ZNF638: variants seen among roughly 807,000 people sequenced by gnomAD.
ZNF638 encodes zinc finger protein 638.
A neutral mutation model predicts 195.6 loss-of-function variants in ZNF638; 46 were observed. That is an observed-to-expected ratio of 0.24 (90% CI 0.19 to 0.30). The LOEUF is 0.30. ZNF638 is among the 10% of genes least tolerant of loss of function. The pLI, the probability that ZNF638 is intolerant of heterozygous loss-of-function variation, is 1.00. For missense variants in ZNF638, 2,440 were observed against 2,325.3 expected (o/e 1.05, Z -1.01); for synonymous variants, 845 against 772.0 (o/e 1.09, Z -1.57).
At chr2:71,332,825 C>T (rs562202207) in intron 1 of ZNF638, 3 of 152,062 alleles carry the variant, frequency 2.0e-5, no homozygotes, top group Non-Finnish European at 4.4e-5. Flanking sequence ...AAAATTTGTC[C>T]TTAGGCGAAG....
Position 71,350,009 on chromosome 2 carries a change from C to G in ZNF638, c.1055C>G (p.Pro352Arg), listed in dbSNP as rs1278095957. Reference sequence around the variant, plus strand: ...TCTGTAAGCCAGCAAGAGCGGATCCCACATGAACCTGTGATTAATTCATCT... The same window carrying G: ...TCTGTAAGCCAGCAAGAGCGGATCCGACATGAACCTGTGATTAATTCATCT... ...ISSVSQQERI[P>R]HEPVINSSNV... is the part of the protein sequence containing the mutation. Residue 352 changes from proline (P) to arginine (R), a missense_variant, in exon 2 of 28, where the codon CCA becomes CGA. By Grantham distance (103) the Pro-to-Arg change is moderately radical. Around this residue, in one of 5 missense-constraint regions of ZNF638, gnomAD observed 305 missense variants for 283.6 expected, o/e 1.08. Coordinates refer to ENST00000264447, the MANE Select transcript of ZNF638 (RefSeq NM_014497.5). 6.2e-7 allele frequency: 1 copy of G among 1,614,066 alleles called. No individual in the cohort carries two copies. Among genetic ancestry groups the G allele is most frequent in the Non-Finnish European group, 8.5e-7 (1 of 1,180,032 alleles).
intron 1 of ZNF638, among the ~76,000 whole-genome samples, chr2:71,346,997 C>G (rs1302382483): frequency 6.6e-6 from 1 of 151,598 alleles, no homozygotes; most frequent in Non-Finnish European, 1.5e-5. Context: ...GGACTCCAGC[C>G]TGAGTGACAA....
In ZNF638 at chr2:71,380,384, A is replaced by G. The variant is rs915070025; in HGVS notation, c.2324+104A>G. 1.7e-5 allele frequency: 19 copies of G among 1,103,524 alleles called. No homozygotes were observed. In the East Asian group the frequency reaches 3.4e-4, roughly 20 times the overall value. The allele number at this position is 1,103,524 out of a possible 1,614,324, so 68.4% of individuals were successfully genotyped here. ...TTAAATATATTTTATCACTATAACTATAGTTTAAGAGGGATATCACTCCAG... is the reference window on the plus strand; with the variant it reads ...TTAAATATATTTTATCACTATAACTGTAGTTTAAGAGGGATATCACTCCAG... On this transcript the variant is annotated intron_variant, in intron 9 of 27. Coordinates refer to ENST00000264447, the MANE Select transcript of ZNF638 (RefSeq NM_014497.5).
intron 7 of ZNF638, 92 bp from the exon 8 acceptor site, chr2:71,369,791 G>C: frequency 7.9e-7 from 1 of 1,266,232 alleles, no homozygotes; most frequent in Non-Finnish European, 1.1e-6. Flanking sequence ...TTCATAGTTT[G>C]ATGTTACAAA....
intron 15 of ZNF638, among the ~76,000 whole-genome samples, 186 bp downstream of exon 15, chr2:71,400,704 C>T (rs553582688): frequency 1.3e-5 from 2 of 152,070 alleles, no homozygotes; most frequent in Admixed American, 1.3e-4. Flanking sequence ...CTCAAAAACC[C>T]TGAGGTGCAG....
At chr2:71,419,331 G>A (rs901993050) in intron 21 of ZNF638, among the ~76,000 whole-genome samples, 1 of 152,014 alleles carries the variant, frequency 6.6e-6, no homozygotes, top group African/African-American at 2.4e-5. Context: ...TTTTCCTCCT[G>A]TATACTGAGT....
At position 71,422,880 on chromosome 2, in the gene ZNF638, T is replaced by G; in HGVS notation, c.3366T>G (p.Val1122=). 1 of 1,614,064 alleles carries G rather than the reference T, an allele frequency of 6.2e-7. No individual in the cohort carries two copies. Among genetic ancestry groups the G allele is most frequent in the South Asian group, 1.1e-5 (1 of 91,076 alleles). Residue 1122 remains valine (V), a synonymous_variant, in exon 22 of 28, where the codon GTT becomes GTG. Transcript: ENST00000264447. The part of the protein sequence containing the change: ...EVQTATDSPS[V]KPNELEEEST... Reference sequence around the variant, plus strand: ...AAACAGCAACTGATAGTCCCTCTGTTAAACCTAATGAGCTTGAAGAAGAAA... The same window carrying G: ...AAACAGCAACTGATAGTCCCTCTGTGAAACCTAATGAGCTTGAAGAAGAAA...
chr2:71,411,059 G>A (rs1473040224), intron 20 of ZNF638, among the ~76,000 whole-genome samples: 7 of 143,418 alleles, frequency 4.9e-5, no homozygotes, highest in Non-Finnish European at 9.0e-5. Context: ...GTGCAGTGGC[G>A]TGACCTCGGC....
intron 3 of ZNF638, among the ~76,000 whole-genome samples, chr2:71,356,657 G>T (rs747782469): frequency 6.6e-6 from 1 of 152,032 alleles, no homozygotes; most frequent in African/African-American, 2.4e-5. Flanking sequence ...AGGCATGGTA[G>T]TACACATCTG....
chr2:71,349,261 C>T lies in ZNF638; in HGVS notation c.307C>T (p.Arg103Trp), dbSNP rs370334156. Residue 103 changes from arginine to tryptophan, a missense_variant, in exon 2 of 28, where the codon CGG (arginine) becomes TGG (tryptophan). Physicochemically the swap from Arg to Trp is moderately radical, Grantham distance 101. Around this residue, in one of 5 missense-constraint regions of ZNF638, gnomAD observed 191 missense variants for 173.8 expected, o/e 1.10. Coordinates refer to ENST00000264447, the MANE Select transcript of ZNF638 (RefSeq NM_014497.5). ...QQKKGKPHGS[R>W]WDDEPHISAS... ...GAAGAAGGGGAAGCCTCATGGTAGC[C>T]GGTGGGATGATGAGCCTCATATATC... The T allele has an allele frequency of 1.2e-5, 20 of 1,613,920 alleles. No homozygotes were observed. Among genetic ancestry groups the T allele is most frequent in the East Asian group, 4.5e-5 (2 of 44,878 alleles).
intron 11 of ZNF638, among the ~76,000 whole-genome samples, chr2:71,397,240 A>AT (rs1346643828): frequency 2.6e-5 from 4 of 152,128 alleles, no homozygotes; most frequent in Non-Finnish European, 5.9e-5. Context: ...AATGCCAGCT[A>AT]TTTTTTATTT....
At chr2:71,426,423 T>C in intron 23 of ZNF638, 37 bp from the exon 24 acceptor site, 1 of 1,471,944 alleles carries the variant, frequency 6.8e-7, no homozygotes, top group South Asian at 1.4e-5. Context: ...GTGGTCAAAA[T>C]TTGTTTACAA....
chr2:71,411,287 C>CA (rs1347026416), intron 20 of ZNF638, among the ~76,000 whole-genome samples: 2 of 151,504 alleles, frequency 1.3e-5, no homozygotes, highest in African/African-American at 4.8e-5. Context: ...GATTAGCCAC[C>CA]ATGCCTGGCC....
intron 8 of ZNF638, chr2:71,379,665 G>A (rs1012224842): frequency 6.6e-6 from 1 of 152,150 alleles, no homozygotes; most frequent in Non-Finnish European, 1.5e-5. Flanking sequence ...TGCTGAAGTC[G>A]CTAAGATCTA....
intron 1 of ZNF638, 167 bp from the exon 2 acceptor site, chr2:71,348,586 A>AGAAAGT: frequency 8.3e-7 from 1 of 1,198,646 alleles, no homozygotes; most frequent in Non-Finnish European, 1.1e-6. Context: ...AGAAAAGAAG[A>AGAAAGT]GAAAGTTTTT....
chr2:71,433,397 T>G, intron 27 of ZNF638, 114 bp downstream of exon 27: 2 of 736,424 alleles, frequency 2.7e-6, no homozygotes, highest in African/African-American at 1.8e-5. Flanking sequence ...TTATGCCAGT[T>G]TATTCCTCTT....
intron 1 of ZNF638, among the ~76,000 whole-genome samples, chr2:71,337,926 G>A (rs1336834268): frequency 6.6e-6 from 1 of 152,040 alleles, no homozygotes; most frequent in African/African-American, 2.4e-5. Context: ...AATCTGCTTT[G>A]CTTTTCTCTT....
intron 6 of ZNF638, among the ~76,000 whole-genome samples, chr2:71,367,785 G>T (rs2079229898): frequency 6.7e-6 from 1 of 149,614 alleles, no homozygotes; most frequent in South Asian, 2.1e-4. Flanking sequence ...TGCCCATCCT[G>T]GTCTTAAACT....
chr2:71,362,451 C>CTG (rs1459304171), intron 3 of ZNF638, among the ~76,000 whole-genome samples: 1 of 151,918 alleles, frequency 6.6e-6, no homozygotes, highest in African/African-American at 2.4e-5. Context: ...TGTTTTTTTC[C>CTG]TGTGTGTAAC....
Sources: allele counts gnomAD v4.1 joint callset (sites outside exome capture counted in the v4.1 genomes callset), GRCh38; gene constraint gnomAD v4.1.1; regional missense constraint gnomAD v4.1.1; transcripts MANE v1.5; gene names NCBI Gene and HGNC (gene_info 2026-07-23, HGNC 2026-07-21).